Variants in NXN observed in about 807,000 individuals in gnomAD.
NXN encodes nucleoredoxin.
In NXN, 16 loss-of-function variants were observed where a neutral mutation model predicts 48.6. That is an observed-to-expected ratio of 0.33 (90% confidence interval 0.22 to 0.50). The LOEUF (loss-of-function observed/expected upper bound fraction) is 0.50, where lower values mean the gene tolerates loss of function less well. Ranked by LOEUF, NXN falls within the 20% of genes least tolerant of loss-of-function variation. The probability of loss-of-function intolerance (pLI) is 0.98; values close to 1 mark genes in which losing one functional copy is unlikely to be tolerated. For missense variants in NXN, 492 were observed against 605.5 expected (o/e 0.81, Z 1.97); for synonymous variants, 281 against 269.6 (o/e 1.04, Z -0.41).
intron 1 of NXN, among the ~76,000 whole-genome samples, chr17:904,824 G>A (rs902942871): frequency 6.6e-6 from 1 of 152,176 alleles, no homozygotes. Flanking sequence ...GATGACAGGC[G>A]TGAGCCACCA....
At position 849,695 on chromosome 17, in the gene NXN, T is replaced by C. The variant is rs549784764; in HGVS notation, c.361-23617A>G. On this transcript the variant is annotated intron_variant, in intron 1 of 7. Coordinates refer to ENST00000336868, the MANE Select transcript of NXN (RefSeq NM_022463.5). This position sits in a 1 kb window ranked among gnomAD's most constrained non-coding sequence, Gnocchi z 4.2. ...ACCTCCGCAGACAAGCAATCATCAT[T>C]TCCTAAACGTGGCAGGATGCAGAGC... 2.0e-5 allele frequency among the ~76,000 whole-genome samples: 3 copies of C among 152,258 alleles called. No individual in the cohort carries two copies. The highest frequency in any genetic ancestry group is 3.9e-4 in the East Asian group (2 of 5,176).
chr17:842,183 T>C (rs1236802689), intron 1 of NXN, among the ~76,000 whole-genome samples: 1 of 151,890 alleles, frequency 6.6e-6, no homozygotes, highest in Non-Finnish European at 1.5e-5. Flanking sequence ...TTAAACCTGC[T>C]CGACATCCTT....
chr17:908,399 G>A (rs2068601088), intron 1 of NXN, among the ~76,000 whole-genome samples: 1 of 152,074 alleles, frequency 6.6e-6, no homozygotes, highest in African/African-American at 2.4e-5. Flanking sequence ...AGCCAGGCAT[G>A]TTGGTGGGAG....
chr17:861,019 T>A (rs2068034691), intron 1 of NXN, among the ~76,000 whole-genome samples: 2 of 152,066 alleles, frequency 1.3e-5, no homozygotes. Context: ...GTTATCACAG[T>A]GGGATGAGAG....
intron 1 of NXN, among the ~76,000 whole-genome samples, chr17:961,768 T>A (rs1375204889): frequency 6.6e-6 from 1 of 152,238 alleles, no homozygotes; most frequent in African/African-American, 2.4e-5. Flanking sequence ...TTGACTTTTC[T>A]TAAGCAACTT....
intron 1 of NXN, among the ~76,000 whole-genome samples, chr17:979,090 G>A (rs1470241180): frequency 9.3e-6 from 1 of 107,290 alleles, no homozygotes; most frequent in Non-Finnish European, 1.9e-5. Context: ...TGGGATGAGG[G>A]TGCGGGCACA....
chr17:820,192 G>A (rs915196773), intron 4 of NXN, among the ~76,000 whole-genome samples: 25 of 152,074 alleles, frequency 1.6e-4, no homozygotes, highest in African/African-American at 2.4e-4. Flanking sequence ...CCTTTGTTCC[G>A]TGCCTTGTCT....
At chr17:952,250 G>A (rs2663347) in intron 1 of NXN, among the ~76,000 whole-genome samples, 8,417 of 18,512 alleles carry the variant, frequency 0.45, 1,861 homozygotes, top group East Asian at 0.65. Flanking sequence ...GGGGGGCTGG[G>A]GTCAGACAGA....
chr17:863,964 G>C, intron 1 of NXN: 1 of 1,534,354 alleles, frequency 6.5e-7, no homozygotes. Context: ...TGGGAACTGA[G>C]TGAGGAAACA....
chr17:810,755 A>G (rs1016925131), intron 5 of NXN, among the ~76,000 whole-genome samples: 6 of 152,092 alleles, frequency 3.9e-5, no homozygotes, highest in Admixed American at 6.6e-5. Flanking sequence ...TGGGCGTGGT[A>G]GCGCACCCCT....
chr17:811,490 C>A (rs1000996044), intron 5 of NXN, among the ~76,000 whole-genome samples: 8 of 148,930 alleles, frequency 5.4e-5, no homozygotes, highest in African/African-American at 1.7e-4. Flanking sequence ...ATTCCCCAGG[C>A]TGCGTAAAGC....
rs2068723367 is a variant in NXN, at chr17:919,473, T to C, written c.360+59846A>G. On this transcript the variant is annotated intron_variant, in intron 1 of 7. Coordinates refer to ENST00000336868, the MANE Select transcript of NXN (RefSeq NM_022463.5). The surrounding 1 kb of genome is among the most constrained non-coding windows in gnomAD (Gnocchi z 5.1). The stretch of plus-strand genomic sequence containing the variant: ...CCTTAAGATGCTAGAAAACGTGTTA[T>C]TGTAACACGAGGAAAAAGCCCTGTA... 6.6e-6 allele frequency among the ~76,000 whole-genome samples: 1 copy of C among 152,208 alleles called. No individual in the cohort carries two copies. Among genetic ancestry groups the C allele is most frequent in the Admixed American group, 6.5e-5 (1 of 15,274 alleles).
intron 1 of NXN, chr17:959,074 CG>C (rs2069204942): frequency 6.9e-6 from 2 of 291,274 alleles, no homozygotes; most frequent in Non-Finnish European, 1.3e-5. Flanking sequence ...TTCCTCATCA[CG>C]GGCGGTGTGG....
At chr17:802,954 T>TGGGGAGGGGG (rs1911283262) in intron 7 of NXN, among the ~76,000 whole-genome samples, 5 of 19,446 alleles carry the variant, frequency 2.6e-4, no homozygotes, top group African/African-American at 1.0e-3. Context: ...TGGGGTGGGG[T>TGGGGAGGGGG]GGGGAGGTGG....
At chr17:812,108 T>C (rs182767776) in intron 5 of NXN, among the ~76,000 whole-genome samples, 2,095 of 150,714 alleles carry the variant, frequency 0.014, 41 homozygotes, top group African/African-American at 0.045. Context: ...TTTGTATTTT[T>C]AATAGAGACG....
intron 1 of NXN, among the ~76,000 whole-genome samples, chr17:841,428 A>ACACC (rs1914208579): frequency 1.4e-4 from 17 of 123,272 alleles, no homozygotes; most frequent in South Asian, 1.1e-3. Context: ...GGCGCATCTC[A>ACACC]CACGGGCGAG....
chr17:971,111 T>A (rs1368576223), intron 1 of NXN, among the ~76,000 whole-genome samples: 1 of 151,902 alleles, frequency 6.6e-6, no homozygotes, highest in East Asian at 2.0e-4. Flanking sequence ...CACACCCGGC[T>A]AATTTTGTAT....
At chr17:906,572 GTTTTT>G (rs150140562) in intron 1 of NXN, among the ~76,000 whole-genome samples, 1 of 145,876 alleles carries the variant, frequency 6.9e-6, no homozygotes, top group South Asian at 2.2e-4. Context: ...TGGTTTCTGG[GTTTTT>G]TTTTTTTTTG....
At chr17:831,648 C>T (rs903918477) in intron 1 of NXN, among the ~76,000 whole-genome samples, 3 of 151,676 alleles carry the variant, frequency 2.0e-5, no homozygotes, top group Admixed American at 6.6e-5. Context: ...TACAGGCATT[C>T]GCCACCACAC....
Sources: allele counts gnomAD v4.1 joint callset (sites outside exome capture counted in the v4.1 genomes callset), GRCh38; gene constraint gnomAD v4.1.1; non-coding constraint Gnocchi (gnomAD v3.1); transcripts MANE v1.5; gene names NCBI Gene and HGNC (gene_info 2026-07-23, HGNC 2026-07-21).